P2RX7: variants seen among roughly 807,000 people sequenced by gnomAD.
The protein encoded by P2RX7 is purinergic receptor P2X 7, also known as P2X purinoceptor 7.
In P2RX7, 62 loss-of-function variants were observed where a neutral mutation model predicts 71.6. The ratio of observed to expected loss-of-function variants is 0.87; its 90% confidence interval spans 0.71 to 1.07. The LOEUF is 1.07. Ranked by LOEUF, P2RX7 falls within the 50% of genes least tolerant of loss-of-function variation. The pLI is 0.00. For missense variants in P2RX7, 686 were observed against 748.5 expected (o/e 0.92, Z 0.97); for synonymous variants, 299 against 283.3 (o/e 1.06, Z -0.56).
chr12:121,179,669 A>C (rs1021646815), intron 11 of P2RX7, among the ~76,000 whole-genome samples: 1 of 152,200 alleles, frequency 6.6e-6, no homozygotes, highest in Non-Finnish European at 1.5e-5. Context: ...TCATGGCCCA[A>C]GATGAGATGA....
rs1174934373 is a variant in P2RX7 at position 121,132,900 on chromosome 12, G to C, written c.-71G>C. ...GTTTCATTTTGCAGTTACTGGGAGG[G>C]GGCTTGCTGTGGCCCTGTCAGGAAG... On this transcript the variant is annotated 5_prime_UTR_variant, in exon 1 of 13. Coordinates refer to ENST00000328963, the MANE Select transcript of P2RX7 (RefSeq NM_002562.6). 1 of 1,585,520 alleles carries C rather than the reference G, an allele frequency of 6.3e-7. No individual in the cohort carries two copies. The highest frequency in any genetic ancestry group is 1.3e-5 in the African/African-American group (1 of 74,382).
At chr12:121,165,317 C>A in intron 5 of P2RX7, 40 bp from the exon 6 acceptor site, 3 of 1,547,852 alleles carry the variant, frequency 1.9e-6, no homozygotes, top group Non-Finnish European at 2.7e-6. Flanking sequence ...CCCTCGGTTC[C>A]CCCCGTCACT....
intron 12 of P2RX7, 120 bp downstream of exon 12, chr12:121,180,575 A>G (rs886389204): frequency 5.4e-5 from 29 of 533,858 alleles, no homozygotes; most frequent in Middle Eastern, 4.0e-4. Context: ...ACATACTCAT[A>G]TAACCGGCAC....
rs1314740802 is a variant in P2RX7 at position 121,184,922 on chromosome 12, T to C, written c.*120T>C. On this transcript the variant is annotated 3_prime_UTR_variant, in exon 13 of 13. Transcript: ENST00000328963. ...TAACAAGGCGAAATCCTGTCTGTAC[T>C]AAAAATACAAAAATCAGCCAGACAT... 10 of 757,622 alleles carry C rather than the reference T, an allele frequency of 1.3e-5. No individual in the cohort carries two copies. The highest frequency in any genetic ancestry group is 2.1e-5 in the Non-Finnish European group (10 of 475,888). 46.9% of individuals were successfully genotyped at this position (757,622 alleles called of 1,614,324 possible).
chr12:121,156,134 G>T lies in P2RX7; in HGVS notation c.350G>T (p.Arg117Leu). ...CTCAAAACAGAAGGCCAAGAGCAGCGGTTGTGTCCCGAGGTAAGGAGGGGA... is the reference window on the plus strand; with the variant it reads ...CTCAAAACAGAAGGCCAAGAGCAGCTGTTGTGTCCCGAGGTAAGGAGGGGA... ...NFLKTEGQEQ[R>L]LCPEYPTRRT... The change falls in exon 3 of 13, where the codon CGG becomes CTG. Residue 117 changes from arginine (R) to leucine (L), a missense_variant. Coordinates refer to ENST00000328963, the MANE Select transcript of P2RX7 (RefSeq NM_002562.6). 1 of 1,614,098 alleles carries T rather than the reference G, an allele frequency of 6.2e-7. No individual in the cohort carries two copies. The highest frequency in any genetic ancestry group is 8.5e-7 in the Non-Finnish European group (1 of 1,179,926).
In P2RX7 at chr12:121,177,131, C is replaced by T. The variant is rs7132846; in HGVS notation, c.973-16C>T. The T allele has an allele frequency of 0.094, 150,691 of 1,611,042 alleles. 9,711 individuals carry two copies. Among genetic ancestry groups the T allele is most frequent in the Admixed American group, 0.3 (18,228 of 59,966 alleles). On this transcript the variant is annotated splice_polypyrimidine_tract_variant and intron_variant, in intron 9 of 12. Coordinates refer to ENST00000328963, the MANE Select transcript of P2RX7 (RefSeq NM_002562.6). ...TCTGAATTTCACCTGAGTAAACTCTCCCACTCTGTTTTTAGGGAGGAAAAT... is the reference window on the plus strand; with the variant it reads ...TCTGAATTTCACCTGAGTAAACTCTTCCACTCTGTTTTTAGGGAGGAAAAT...
intron 1 of P2RX7, among the ~76,000 whole-genome samples, chr12:121,140,420 G>A (rs1290282244): frequency 6.6e-6 from 1 of 152,192 alleles, no homozygotes; most frequent in Non-Finnish European, 1.5e-5. Context: ...ACTGTGCAGA[G>A]CATAGAGTGT....
At chr12:121,165,719 G>A (rs927610883) in intron 6 of P2RX7, among the ~76,000 whole-genome samples, 3 of 152,154 alleles carry the variant, frequency 2.0e-5, no homozygotes, top group East Asian at 1.9e-4. Context: ...TCCTCACCAC[G>A]TGAACCTCGC....
At chr12:121,144,866 T>C (rs1664756202) in intron 1 of P2RX7, among the ~76,000 whole-genome samples, 1 of 152,182 alleles carries the variant, frequency 6.6e-6, no homozygotes, top group Non-Finnish European at 1.5e-5. Context: ...ACCATGCTTC[T>C]GGCTTGGGCA....
intron 1 of P2RX7, among the ~76,000 whole-genome samples, chr12:121,141,435 C>G (rs1874831090): frequency 6.6e-6 from 1 of 152,170 alleles, no homozygotes; most frequent in Non-Finnish European, 1.5e-5. Context: ...AGCAGTTTGT[C>G]TGGCTTTTTC....
chr12:121,176,259 A>ACACACACACACACACACACACACACACC, intron 9 of P2RX7, among the ~76,000 whole-genome samples: 1 of 149,896 alleles, frequency 6.7e-6, no homozygotes, highest in Non-Finnish European at 1.5e-5. Flanking sequence ...ACACACACAC[A>ACACACACACACACACACACACACACACC]CACACACACA....
chr12:121,177,800 C>G (rs1883416144), intron 11 of P2RX7, among the ~76,000 whole-genome samples: 1 of 151,830 alleles, frequency 6.6e-6, no homozygotes, highest in African/African-American at 2.4e-5. Flanking sequence ...CTCACTGCAG[C>G]CTCTGCCTCC....
rs149288605 is a variant in P2RX7 at position 121,161,459 on chromosome 12, C to T, written c.436+485C>T. 2.0e-5 allele frequency among the ~76,000 whole-genome samples: 3 copies of T among 152,002 alleles called. No homozygotes were observed. In the East Asian group the frequency reaches 5.8e-4, roughly 29 times the overall value. On this transcript the variant is annotated intron_variant, in intron 4 of 12. Coordinates refer to ENST00000328963, the MANE Select transcript of P2RX7 (RefSeq NM_002562.6). ...TTTATATCTAAGTGCAGTGCTATTG[C>T]GATACCTGCAGAATTTCTTTATCTC...
intron 8 of P2RX7, 55 bp from the exon 9 acceptor site, chr12:121,175,333 A>T: frequency 8.7e-7 from 1 of 1,155,448 alleles, no homozygotes; most frequent in Non-Finnish European, 1.3e-6. Context: ...AAAAAAACCC[A>T]AAACCCAGCA....
chr12:121,174,043 CTTTTCTTTTTT>C (rs1394789727), intron 8 of P2RX7, among the ~76,000 whole-genome samples: 8 of 121,280 alleles, frequency 6.6e-5, no homozygotes, highest in African/African-American at 2.5e-4. Context: ...TTTTTCTTTT[CTTTTCTTTTTT>C]TTTTTTTTTT....
chr12:121,159,946 C>T (rs947946942), intron 3 of P2RX7, among the ~76,000 whole-genome samples: 4 of 152,140 alleles, frequency 2.6e-5, no homozygotes, highest in Middle Eastern at 3.2e-3. Context: ...CTCTGCTTTT[C>T]CCATTTTTAT....
At chr12:121,152,218 T>G (rs1362645468) in intron 1 of P2RX7, among the ~76,000 whole-genome samples, 1 of 152,192 alleles carries the variant, frequency 6.6e-6, no homozygotes, top group African/African-American at 2.4e-5. Flanking sequence ...TAATCTCAAG[T>G]GATCCACCCA....
At chr12:121,167,148 G>A (rs1240658089) in intron 7 of P2RX7, among the ~76,000 whole-genome samples, 2 of 152,008 alleles carry the variant, frequency 1.3e-5, no homozygotes, top group African/African-American at 4.8e-5. Context: ...ATTTGATAGA[G>A]TGCCCTGAAT....
At chr12:121,147,947 T>C (rs1391313164) in intron 1 of P2RX7, among the ~76,000 whole-genome samples, 1 of 152,082 alleles carries the variant, frequency 6.6e-6, no homozygotes, top group Admixed American at 6.6e-5. Flanking sequence ...ATTTAAACAC[T>C]AAGATACTCT....
Sources: allele counts gnomAD v4.1 joint callset (sites outside exome capture counted in the v4.1 genomes callset), GRCh38; gene constraint gnomAD v4.1.1; transcripts MANE v1.5; gene names NCBI Gene and HGNC (gene_info 2026-07-23, HGNC 2026-07-21).